GRID1: variants seen among roughly 807,000 people sequenced by gnomAD.
GRID1 encodes glutamate receptor ionotropic, delta-1.
A neutral mutation model predicts 98.0 loss-of-function variants in GRID1; 28 were observed. That is an observed-to-expected ratio of 0.29 (90% CI 0.21 to 0.39). The LOEUF (loss-of-function observed/expected upper bound fraction) is 0.39, where lower values mean the gene tolerates loss of function less well. GRID1 is among the 10% of genes least tolerant of loss of function. The probability of loss-of-function intolerance (pLI) is 1.00; values close to 1 mark genes in which losing one functional copy is unlikely to be tolerated. For synonymous variants in GRID1, 553 were observed against 538.5 expected, an observed-to-expected ratio of 1.03 and a Z score of -0.37; for missense variants, 1,111 against 1,340.5, an observed-to-expected ratio of 0.83 and a Z score of 2.67.
chr10:85,649,911 T>G lies in GRID1; in HGVS notation c.1998-2514A>C, dbSNP rs546261729. On this transcript the variant is annotated intron_variant, in intron 12 of 15. Transcript: ENST00000327946. The stretch of plus-strand genomic sequence containing the variant: ...CCACAGCTTTCATCCATCCATCACC[T>G]CTAATAGCCACAAATTTGTGCAGAG... 3 of 152,326 alleles carry G rather than the reference T, an allele frequency of 2.0e-5. No homozygotes were observed. In the East Asian group the frequency reaches 5.8e-4, roughly 29 times the overall value. The allele number at this position is 152,326 out of a possible 1,614,324, so 9.4% of individuals were successfully genotyped here. A position where few individuals can be genotyped will look rare whatever the true frequency, so the allele number is the denominator to read the frequency against.
At chr10:86,094,013 C>T (rs544937299) in intron 4 of GRID1, among the ~76,000 whole-genome samples, 1 of 152,240 alleles carries the variant, frequency 6.6e-6, no homozygotes, top group African/African-American at 2.4e-5. Context: ...AAGTGGGTTT[C>T]ATAAATGGGA....
chr10:85,613,953 T>C (rs1842761750), intron 14 of GRID1, among the ~76,000 whole-genome samples: 3 of 152,206 alleles, frequency 2.0e-5, no homozygotes, highest in African/African-American at 7.2e-5. Context: ...ATGGATTCTG[T>C]GGCAAGAGCT....
intron 8 of GRID1, among the ~76,000 whole-genome samples, chr10:85,756,299 T>A (rs1285804607): frequency 6.6e-6 from 1 of 152,198 alleles, no homozygotes; most frequent in Non-Finnish European, 1.5e-5. Context: ...TCGCCGTAGA[T>A]CTTAGCAACC....
At chr10:85,609,755 T>G (rs1174388797) in intron 15 of GRID1, among the ~76,000 whole-genome samples, 1 of 152,200 alleles carries the variant, frequency 6.6e-6, no homozygotes, top group East Asian at 1.9e-4. Context: ...CTGAGCCCAG[T>G]GATGGATGAC....
intron 5 of GRID1, among the ~76,000 whole-genome samples, chr10:85,913,397 C>A (rs970772142): frequency 1.3e-5 from 2 of 152,162 alleles, no homozygotes; most frequent in African/African-American, 2.4e-5. Context: ...TTCCCATCTG[C>A]AAAATGAGGA....
intron 7 of GRID1, 145 bp downstream of exon 7, chr10:85,855,884 A>G (rs1183973141): frequency 1.5e-6 from 1 of 679,684 alleles, no homozygotes; most frequent in Non-Finnish European, 2.6e-6. Context: ...GGACAGGAAG[A>G]GTGACAAGGA....
chr10:85,638,319 A>G (rs957381448), intron 13 of GRID1, among the ~76,000 whole-genome samples: 7 of 152,230 alleles, frequency 4.6e-5, no homozygotes, highest in African/African-American at 1.7e-4. Context: ...TCAAAATCTC[A>G]ACAGGCATTT....
In GRID1 at chr10:85,903,572, A is replaced by T. The variant is rs118000354; in HGVS notation, c.780+12614T>A. ...AGCTACCAGGGTATAGTTTCAAAAA[A>T]ATATATATATATATTGCCCATCTTT... On this transcript the variant is annotated intron_variant, in intron 5 of 15. Coordinates refer to ENST00000327946, the MANE Select transcript of GRID1 (RefSeq NM_017551.3). Among the ~76,000 whole-genome samples, 631 of 151,804 alleles carry T rather than the reference A, an allele frequency of 4.2e-3. 1 individual carries two copies. Among genetic ancestry groups the T allele is most frequent in the African/African-American group, 0.011 (467 of 41,400 alleles).
intron 2 of GRID1, among the ~76,000 whole-genome samples, chr10:86,358,659 G>C (rs945212276): frequency 3.3e-5 from 5 of 151,984 alleles, no homozygotes; most frequent in African/African-American, 1.2e-4. Context: ...TCGGGAGGCT[G>C]AGGCGGGAGA....
At chr10:85,707,647 C>T (rs1841535643) in intron 12 of GRID1, among the ~76,000 whole-genome samples, 1 of 152,218 alleles carries the variant, frequency 6.6e-6, no homozygotes, top group Non-Finnish European at 1.5e-5. Context: ...CATGCTGCTA[C>T]AAAGACACAT....
chr10:85,617,696 A>G (rs1280551769), intron 14 of GRID1, among the ~76,000 whole-genome samples: 1 of 152,212 alleles, frequency 6.6e-6, no homozygotes, highest in East Asian at 1.9e-4. Context: ...CACAGAGCAC[A>G]TGCCTTCTGA....
intron 12 of GRID1, among the ~76,000 whole-genome samples, chr10:85,667,962 C>G (rs1270283413): frequency 6.6e-6 from 1 of 152,206 alleles, no homozygotes; most frequent in Non-Finnish European, 1.5e-5. Context: ...TCCCTAAGCC[C>G]TAGGCAAAGG....
chr10:86,157,011 A>T (rs1845254772), intron 3 of GRID1, among the ~76,000 whole-genome samples: 1 of 152,148 alleles, frequency 6.6e-6, no homozygotes, highest in Non-Finnish European at 1.5e-5. Context: ...AGAGTGAACA[A>T]GCTGACTGTC....
intron 5 of GRID1, among the ~76,000 whole-genome samples, chr10:85,896,045 G>A (rs1841289001): frequency 6.6e-6 from 1 of 152,060 alleles, no homozygotes. Flanking sequence ...AGACAGCCAG[G>A]ACTTTAAACA....
chr10:85,680,801 T>A (rs1841200759), intron 12 of GRID1, among the ~76,000 whole-genome samples: 1 of 152,136 alleles, frequency 6.6e-6, no homozygotes, highest in South Asian at 2.1e-4. Context: ...GAACTACTAC[T>A]CAGCCATAAA....
rs528162133 is a variant in GRID1 at position 85,656,027 on chromosome 10, A to G, written c.1998-8630T>C. 4.0e-5 allele frequency among the ~76,000 whole-genome samples: 6 copies of G among 151,076 alleles called. No individual in the cohort carries two copies. The South Asian group carries it at 1.3e-3, about 32-fold the overall frequency. On this transcript the variant is annotated intron_variant, in intron 12 of 15. Transcript: ENST00000327946. ...TCCTGTGAGATGACATCCTCCTCCA[A>G]CCACCCTTCCAGCTCTTCTTCCGGA...
rs915817598 is a variant in GRID1 at position 85,906,535 on chromosome 10, A to G, written c.780+9651T>C. ...GTCTCAATAATTTTAAAAGGATCCA[A>G]ATAATAGAAACTCTATCCTCTAACC... On this transcript the variant is annotated intron_variant, in intron 5 of 15. Transcript: ENST00000327946. Among the ~76,000 whole-genome samples, 14 of 152,190 alleles carry G rather than the reference A, an allele frequency of 9.2e-5. 1 individual carries two copies. The highest frequency in any genetic ancestry group is 7.9e-4 in the Admixed American group (12 of 15,282).
chr10:85,711,732 A>G (rs1436795238), intron 12 of GRID1, among the ~76,000 whole-genome samples: 2 of 151,874 alleles, frequency 1.3e-5, no homozygotes, highest in African/African-American at 4.8e-5. Flanking sequence ...AGTTTATTCA[A>G]CAAGTAAAAA....
At chr10:86,284,984 T>G (rs1425196332) in intron 2 of GRID1, among the ~76,000 whole-genome samples, 1 of 22,916 alleles carries the variant, frequency 4.4e-5, no homozygotes, top group Non-Finnish European at 9.0e-5. Context: ...GTAATGGGGT[T>G]GCTGGAAGGT....
Sources: gnomAD v4.1 joint callset for allele counts (sites outside exome capture counted in the v4.1 genomes callset) on GRCh38, gnomAD v4.1.1 for gene constraint, MANE v1.5 for transcripts, NCBI Gene and HGNC (gene_info 2026-07-23, HGNC 2026-07-21) for gene names.